DSTN: variants seen among roughly 807,000 people sequenced by gnomAD.
The protein encoded by DSTN is destrin.
Under a neutral mutation model 16.8 loss-of-function variants are expected in DSTN, and 10 were observed. The observed-to-expected ratio is 0.60, with a 90% CI of 0.37 to 1.01. DSTN has a LOEUF of 1.01. Among genes scored for constraint, DSTN ranks in the 50% least tolerant of loss-of-function variants. The pLI is 0.01. For missense variants in DSTN, 141 were observed against 196.7 expected (o/e 0.72, Z 1.69); for synonymous variants, 57 against 58.9 (o/e 0.97, Z 0.14).
At position 17,570,140 on chromosome 20, in the gene DSTN, G is replaced by A. The variant is rs1253814167; in HGVS notation, c.-69G>A. The A allele has an allele frequency of 7.3e-6, 11 of 1,512,912 alleles. No homozygotes were observed. The highest frequency in any genetic ancestry group is 2.0e-5 in the Admixed American group (1 of 49,078). The allele number at this position is 1,512,912 out of a possible 1,614,324, so 93.7% of individuals were successfully genotyped here. On this transcript the variant is annotated 5_prime_UTR_variant, in exon 1 of 4. Coordinates refer to ENST00000246069, the MANE Select transcript of DSTN (RefSeq NM_006870.4). ...GGGTCTCTCGGTCCCGCAGCCGTGA[G>A]GAGGACGGTCTGCATACTCGCTGCC...
Position 17,570,112 on chromosome 20 carries a change from G to C in DSTN, c.-97G>C, listed in dbSNP as rs1252745131. Reference sequence around the variant, plus strand: ...GCTCGCGCCGCCGCGTCAGCTCAGCGCTGGGTCTCTCGGTCCCGCAGCCGT... The same window carrying C: ...GCTCGCGCCGCCGCGTCAGCTCAGCCCTGGGTCTCTCGGTCCCGCAGCCGT... On this transcript the variant is annotated 5_prime_UTR_variant, in exon 1 of 4. Coordinates refer to ENST00000246069, the MANE Select transcript of DSTN (RefSeq NM_006870.4). 1 of 1,498,778 alleles carries C rather than the reference G, an allele frequency of 6.7e-7. No homozygotes were observed. The highest frequency in any genetic ancestry group is 8.9e-7 in the Non-Finnish European group (1 of 1,127,822). 92.8% of individuals were successfully genotyped at this position (1,498,778 alleles called of 1,614,324 possible). A position where few individuals can be genotyped will look rare whatever the true frequency, so the allele number is the denominator to read the frequency against.
chr20:17,585,594 CCT>C, intron 1 of DSTN, among the ~76,000 whole-genome samples: 1 of 151,994 alleles, frequency 6.6e-6, no homozygotes, highest in Admixed American at 6.6e-5. Context: ...TGAAATTCAC[CCT>C]TTCTGCTGTA....
chr20:17,592,429 CAAAAAA>C (rs35327345), intron 1 of DSTN, among the ~76,000 whole-genome samples: 1 of 109,530 alleles, frequency 9.1e-6, no homozygotes, highest in Admixed American at 9.7e-5. Context: ...GACCTTGTCT[CAAAAAA>C]AAAAAAAAAA....
intron 1 of DSTN, among the ~76,000 whole-genome samples, chr20:17,584,531 A>G (rs1373059876): frequency 6.6e-6 from 1 of 152,098 alleles, no homozygotes; most frequent in African/African-American, 2.4e-5. Context: ...GCATGCCTGT[A>G]ATCCCAGCTA....
In DSTN at chr20:17,600,718, C is replaced by G; in HGVS notation, c.4-20C>G. The G allele has an allele frequency of 1.9e-6, 3 of 1,541,058 alleles. No homozygotes were observed. The highest frequency in any genetic ancestry group is 2.6e-6 in the Non-Finnish European group (3 of 1,147,512). On this transcript the variant is annotated intron_variant, in intron 1 of 3. Transcript: ENST00000246069. ...CAATAAAAATTGTAAGTCTTTTTCTCATGTATTTTCTCATCATAGGCCTCA... is the reference window on the plus strand; with the variant it reads ...CAATAAAAATTGTAAGTCTTTTTCTGATGTATTTTCTCATCATAGGCCTCA...
chr20:17,574,245 A>C (rs2122157078), intron 1 of DSTN, among the ~76,000 whole-genome samples: 1 of 152,208 alleles, frequency 6.6e-6, no homozygotes, highest in South Asian at 2.1e-4. Flanking sequence ...CCTCATACTG[A>C]GGAGTAATAT....
intron 1 of DSTN, among the ~76,000 whole-genome samples, chr20:17,577,798 G>A (rs1319473007): frequency 6.6e-6 from 1 of 151,992 alleles, no homozygotes; most frequent in Non-Finnish European, 1.5e-5. Context: ...GTCAATTCAG[G>A]TGCTAAATTT....
intron 1 of DSTN, among the ~76,000 whole-genome samples, chr20:17,597,990 G>C (rs748724524): frequency 9.3e-5 from 10 of 107,074 alleles, no homozygotes; most frequent in African/African-American, 2.1e-4. Flanking sequence ...CACAGTGTTT[G>C]TCAAGGTTCA....
rs145793169 is a variant in DSTN, at chr20:17,587,549, A to G, written c.4-13189A>G. On this transcript the variant is annotated intron_variant, in intron 1 of 3. Coordinates refer to ENST00000246069, the MANE Select transcript of DSTN (RefSeq NM_006870.4). ...AAAGAGTTTATCTGAATTTCTCCCAAGATTTCTTCCTTGCCCTCAGAAATA... is the reference window on the plus strand; with the variant it reads ...AAAGAGTTTATCTGAATTTCTCCCAGGATTTCTTCCTTGCCCTCAGAAATA... Among the ~76,000 whole-genome samples the G allele has an allele frequency of 3.3e-5, 5 of 152,336 alleles. No homozygotes were observed. The East Asian group carries it at 9.7e-4, about 29-fold the overall frequency.
chr20:17,590,749 T>C (rs904305070), intron 1 of DSTN, among the ~76,000 whole-genome samples: 10 of 152,240 alleles, frequency 6.6e-5, no homozygotes, highest in African/African-American at 2.4e-4. Flanking sequence ...GATTTTGCTT[T>C]TTTAAAAATA....
At chr20:17,598,790 G>A (rs2035554416) in intron 1 of DSTN, among the ~76,000 whole-genome samples, 1 of 151,978 alleles carries the variant, frequency 6.6e-6, no homozygotes, top group African/African-American at 2.4e-5. Flanking sequence ...TAGAGGCACG[G>A]TCTCCCTATG....
At chr20:17,599,389 G>T (rs1001341291) in intron 1 of DSTN, 1 of 152,284 alleles carries the variant, frequency 6.6e-6, no homozygotes, top group African/African-American at 2.4e-5. Context: ...CCTTGCTGAG[G>T]AGTCATTGGC....
At chr20:17,573,328 TC>T (rs1190536545) in intron 1 of DSTN, among the ~76,000 whole-genome samples, 1 of 152,110 alleles carries the variant, frequency 6.6e-6, no homozygotes, top group Non-Finnish European at 1.5e-5. Context: ...GTTTTTTTTT[TC>T]CCAGGGGAGG....
chr20:17,571,089 CA>C (rs2035200894), intron 1 of DSTN, among the ~76,000 whole-genome samples: 1 of 152,226 alleles, frequency 6.6e-6, no homozygotes, highest in Non-Finnish European at 1.5e-5. Flanking sequence ...ATATGATGGA[CA>C]TTTTGCTTAA....
At position 17,570,193 on chromosome 20, in the gene DSTN, G is replaced by A. The variant is rs575066448; in HGVS notation, c.-16G>A. 5.2e-5 allele frequency: 79 copies of A among 1,519,162 alleles called. 2 individuals carry two copies. The East Asian group carries it at 2.0e-3, about 39-fold the overall frequency. The allele number at this position is 1,519,162 out of a possible 1,614,324, so 94.1% of individuals were successfully genotyped here. On this transcript the variant is annotated 5_prime_UTR_variant, in exon 1 of 4. Coordinates refer to ENST00000246069, the MANE Select transcript of DSTN (RefSeq NM_006870.4). ...CCGGCTCCCTCCCCCGCGTCCCTGC[G>A]ACCGCCGCGGCGAAGATGGTGAGTA... is the stretch of plus-strand genomic sequence containing the variant.
At position 17,607,968 on chromosome 20, in the gene DSTN, G is replaced by C. The variant is rs903402624; in HGVS notation, c.*822G>C. 2 of 152,208 alleles carry C rather than the reference G, an allele frequency of 1.3e-5. No homozygotes were observed. The highest frequency in any genetic ancestry group is 4.8e-5 in the African/African-American group (2 of 41,440). The allele number at this position is 152,208 out of a possible 1,614,324, so 9.4% of individuals were successfully genotyped here. A position where few individuals can be genotyped will look rare whatever the true frequency, so the allele number is the denominator to read the frequency against. On this transcript the variant is annotated 3_prime_UTR_variant, in exon 4 of 4. Coordinates refer to ENST00000246069, the MANE Select transcript of DSTN (RefSeq NM_006870.4). ...TTAATTGTATCTCCTTCAGAAGTTTGCTTCTTATGGTATAATAAAGTATGG... is the reference window on the plus strand; with the variant it reads ...TTAATTGTATCTCCTTCAGAAGTTTCCTTCTTATGGTATAATAAAGTATGG...
chr20:17,583,192 G>A (rs1448694543), intron 1 of DSTN, among the ~76,000 whole-genome samples: 1 of 152,214 alleles, frequency 6.6e-6, no homozygotes. Context: ...GATTATTGTA[G>A]CAAATGTTGG....
At chr20:17,596,914 A>T (rs1222146862) in intron 1 of DSTN, 1 of 691,684 alleles carries the variant, frequency 1.4e-6, no homozygotes, top group Non-Finnish European at 1.8e-6. Flanking sequence ...AGAATGTTTG[A>T]GATGCTTAGA....
chr20:17,570,461 G>T (rs1038495738), intron 1 of DSTN, among the ~76,000 whole-genome samples: 1 of 152,226 alleles, frequency 6.6e-6, no homozygotes, highest in Non-Finnish European at 1.5e-5. Context: ...CGAGGCCGCC[G>T]CCCTGAGCGT....
Sources: gnomAD v4.1 joint callset for allele counts (sites outside exome capture counted in the v4.1 genomes callset) on GRCh38, gnomAD v4.1.1 for gene constraint, MANE v1.5 for transcripts, NCBI Gene and HGNC (gene_info 2026-07-23, HGNC 2026-07-21) for gene names.